The following HDAC9 variants were observed in gnomAD, a reference collection of about 807,000 sequenced individuals.
The protein encoded by HDAC9 is MEF-2 interacting transcription repressor (MITR) protein.
Under a neutral mutation model 139.4 loss-of-function variants are expected in HDAC9, and 41 were observed. The observed-to-expected ratio is 0.29, with a 90% CI of 0.23 to 0.38. HDAC9 has a LOEUF of 0.38. Among genes scored for constraint, HDAC9 ranks in the 10% least tolerant of loss-of-function variants. The probability of loss-of-function intolerance (pLI) is 1.00; values close to 1 mark genes in which losing one functional copy is unlikely to be tolerated. For missense variants in HDAC9, 1,147 were observed against 1,297.0 expected (o/e 0.88, Z 1.78); for synonymous variants, 517 against 476.2 (o/e 1.09, Z -1.12).
At chr7:18,333,696 A>G (rs1781376642) in intron 1 of HDAC9, among the ~76,000 whole-genome samples, 1 of 151,436 alleles carries the variant, frequency 6.6e-6, no homozygotes, top group African/African-American at 2.4e-5. Context: ...ACAACAACAA[A>G]AAACCCCAGC....
chr7:18,281,161 A>G (rs145992469), intron 2 of HDAC9, among the ~76,000 whole-genome samples: 5 of 152,288 alleles, frequency 3.3e-5, no homozygotes, highest in African/African-American at 1.2e-4. Flanking sequence ...AGATGATACA[A>G]GGTGGAACAA....
chr7:18,613,745 C>T (rs529881162), intron 6 of HDAC9, among the ~76,000 whole-genome samples: 3 of 152,086 alleles, frequency 2.0e-5, no homozygotes, highest in East Asian at 1.9e-4. Context: ...TCTGATTCAG[C>T]GTTTGGTCTC....
chr7:18,546,599 T>G (rs757013282), intron 2 of HDAC9, among the ~76,000 whole-genome samples: 29 of 152,242 alleles, frequency 1.9e-4, no homozygotes, highest in Non-Finnish European at 3.7e-4. Context: ...ATGAAGCTTA[T>G]AGAACTTATT....
At chr7:18,196,381 A>C (rs1052773456) in intron 2 of HDAC9, among the ~76,000 whole-genome samples, 1 of 152,212 alleles carries the variant, frequency 6.6e-6, no homozygotes. Context: ...AATTTCAAAA[A>C]GGAGGTAAAG....
At chr7:18,696,625 G>A (rs1484457448) in intron 12 of HDAC9, among the ~76,000 whole-genome samples, 4 of 151,746 alleles carry the variant, frequency 2.6e-5, no homozygotes, top group African/African-American at 7.3e-5. Context: ...ACGTCACCAC[G>A]CCCAGCTAAT....
intron 1 of HDAC9, among the ~76,000 whole-genome samples, chr7:18,444,477 G>T (rs538477431): frequency 6.6e-6 from 1 of 151,788 alleles, no homozygotes; most frequent in East Asian, 1.9e-4. Flanking sequence ...GGGAAAGGTA[G>T]ATTAGTATTT....
chr7:18,666,558 G>T, intron 12 of HDAC9, 82 bp downstream of exon 12: 1 of 1,534,400 alleles, frequency 6.5e-7, no homozygotes, highest in African/African-American at 1.4e-5. Context: ...TTGGTAAATG[G>T]ATATGATTTC....
intron 21 of HDAC9, among the ~76,000 whole-genome samples, chr7:18,855,833 C>G (rs1163444716): frequency 2.6e-5 from 4 of 151,980 alleles, no homozygotes; most frequent in Non-Finnish European, 5.9e-5. Flanking sequence ...TTTATGGTAC[C>G]AAGAGACTTT....
intron 2 of HDAC9, among the ~76,000 whole-genome samples, chr7:18,268,289 A>G (rs1796122892): frequency 6.6e-6 from 1 of 152,190 alleles, no homozygotes; most frequent in Non-Finnish European, 1.5e-5. Context: ...TACAGTCGAT[A>G]CATACATTGC....
intron 3 of HDAC9, among the ~76,000 whole-genome samples, chr7:18,586,951 T>G (rs970890331): frequency 2.6e-5 from 4 of 152,136 alleles, no homozygotes; most frequent in African/African-American, 9.6e-5. Flanking sequence ...TATCTAGATC[T>G]GTTTCTTTCC....
At chr7:18,470,337 CA>C (rs1490384584) in intron 1 of HDAC9, among the ~76,000 whole-genome samples, 9 of 151,820 alleles carry the variant, frequency 5.9e-5, no homozygotes, top group Non-Finnish European at 1.2e-4. Flanking sequence ...GAAGCCAAAC[CA>C]AAAAGCCAGT....
intron 25 of HDAC9, among the ~76,000 whole-genome samples, chr7:18,987,851 G>A (rs191588732): frequency 6.6e-6 from 1 of 152,230 alleles, no homozygotes; most frequent in East Asian, 1.9e-4. Context: ...TAGTTTATTG[G>A]CGTAGAGGTG....
intron 24 of HDAC9, among the ~76,000 whole-genome samples, chr7:18,959,578 C>T (rs1025542025): frequency 2.0e-5 from 3 of 152,114 alleles, no homozygotes; most frequent in African/African-American, 7.2e-5. Flanking sequence ...TAAAATGATA[C>T]GAATTCCATC....
intron 1 of HDAC9, among the ~76,000 whole-genome samples, chr7:18,451,746 A>G (rs757756963): frequency 6.6e-6 from 1 of 151,884 alleles, no homozygotes; most frequent in Non-Finnish European, 1.5e-5. Context: ...CCCTATCGGC[A>G]TATTTGGTGA....
In HDAC9 at chr7:18,999,807, T is replaced by C. The variant is rs545115121; in HGVS notation, c.*3745T>C. ...ATTTAAATATTTCTTACTATTTCTCTGTCGAATGTTTACTCTCATCTTATC... is the reference window on the plus strand; with the variant it reads ...ATTTAAATATTTCTTACTATTTCTCCGTCGAATGTTTACTCTCATCTTATC... On this transcript the variant is annotated 3_prime_UTR_variant, in exon 26 of 26. Transcript: ENST00000686413. 7 of 152,194 alleles carry C rather than the reference T, an allele frequency of 4.6e-5. No homozygotes were observed. The highest frequency in any genetic ancestry group is 1.0e-4 in the Non-Finnish European group (7 of 68,020). 9.4% of individuals were successfully genotyped at this position (152,194 alleles called of 1,614,324 possible). A position where few individuals can be genotyped will look rare whatever the true frequency, so the allele number is the denominator to read the frequency against.
chr7:18,748,877 A>G (rs973431014), intron 13 of HDAC9, 128 bp from the exon 14 acceptor site: 9 of 901,060 alleles, frequency 1.0e-5, no homozygotes, highest in South Asian at 3.6e-5. Flanking sequence ...TTGCTTTGTG[A>G]TATTTCCTCC....
intron 12 of HDAC9, among the ~76,000 whole-genome samples, chr7:18,714,075 C>T (rs1363272344): frequency 6.6e-6 from 1 of 152,166 alleles, no homozygotes. Flanking sequence ...ATCAAATACA[C>T]TGTCATTTCT....
At chr7:18,410,210 T>C (rs767613567) in intron 1 of HDAC9, among the ~76,000 whole-genome samples, 2 of 152,156 alleles carry the variant, frequency 1.3e-5, no homozygotes, top group Admixed American at 6.6e-5. Flanking sequence ...TCTAAATTGG[T>C]TTAACCTATG....
chr7:18,871,882 C>G (rs1798944356), intron 21 of HDAC9, among the ~76,000 whole-genome samples: 1 of 152,094 alleles, frequency 6.6e-6, no homozygotes, highest in Admixed American at 6.6e-5. Context: ...GAGTTTAATG[C>G]TGACAATAGG....
Sources: allele counts gnomAD v4.1 joint callset (sites outside exome capture counted in the v4.1 genomes callset), GRCh38; gene constraint gnomAD v4.1.1; transcripts MANE v1.5; gene names NCBI Gene and HGNC (gene_info 2026-07-23, HGNC 2026-07-21).